PARD3B: variants seen among roughly 807,000 people sequenced by gnomAD.
PARD3B encodes partitioning defective 3 homolog B.
A neutral mutation model predicts 130.2 loss-of-function variants in PARD3B; 103 were observed. That is an observed-to-expected ratio of 0.79 (90% CI 0.67 to 0.93). PARD3B has a LOEUF of 0.93. Ranked by LOEUF, PARD3B falls within the 40% of genes least tolerant of loss-of-function variation. The pLI, the probability that PARD3B is intolerant of heterozygous loss-of-function variation, is 0.00. For synonymous variants in PARD3B, 583 were observed against 553.2 expected, an observed-to-expected ratio of 1.05 and a Z score of -0.76; for missense variants, 1,609 against 1,499.2, an observed-to-expected ratio of 1.07 and a Z score of -1.21.
At chr2:204,719,718 T>G (rs2038905611) in intron 2 of PARD3B, among the ~76,000 whole-genome samples, 1 of 152,190 alleles carries the variant, frequency 6.6e-6, no homozygotes, top group Non-Finnish European at 1.5e-5. Flanking sequence ...TTTAATTGTC[T>G]TTTTTTATAA....
chr2:204,776,750 G>A lies in PARD3B; in HGVS notation c.222+90468G>A, dbSNP rs114354599. Among the ~76,000 whole-genome samples, 1,049 of 151,980 alleles carry A rather than the reference G, an allele frequency of 6.9e-3. 14 individuals are homozygous for A. Among genetic ancestry groups the A allele is most frequent in the African/African-American group, 0.023 (937 of 41,460 alleles). Reference sequence around the variant, plus strand: ...AATTTAAGTTGAACCAGAGGAATTCGGATATTTGGGGGTTTGCCTTCAAGA... The same window carrying A: ...AATTTAAGTTGAACCAGAGGAATTCAGATATTTGGGGGTTTGCCTTCAAGA... On this transcript the variant is annotated intron_variant, in intron 2 of 22. Transcript: ENST00000406610.
intron 1 of PARD3B, among the ~76,000 whole-genome samples, chr2:204,577,866 C>A (rs576189748): frequency 6.6e-4 from 100 of 152,310 alleles, no homozygotes; most frequent in Non-Finnish European, 1.1e-3. Context: ...CTGTGCCCAG[C>A]CAGTTTTCTC....
At chr2:205,356,720 G>A (rs2044205615) in intron 18 of PARD3B, among the ~76,000 whole-genome samples, 5 of 151,842 alleles carry the variant, frequency 3.3e-5, no homozygotes, top group African/African-American at 7.3e-5. Context: ...GTGAAACCCC[G>A]TCTCTACTAA....
At chr2:204,676,602 C>T (rs1559050507) in intron 1 of PARD3B, among the ~76,000 whole-genome samples, 1 of 151,148 alleles carries the variant, frequency 6.6e-6, no homozygotes, top group Non-Finnish European at 1.5e-5. Context: ...CTAGCCTTTG[C>T]TTCACTCTTG....
At chr2:204,820,756 C>T (rs2043320782) in intron 2 of PARD3B, among the ~76,000 whole-genome samples, 1 of 152,020 alleles carries the variant, frequency 6.6e-6, no homozygotes, top group Non-Finnish European at 1.5e-5. Context: ...GCAGGGGTTT[C>T]ACTGAGCCAA....
intron 2 of PARD3B, among the ~76,000 whole-genome samples, chr2:204,922,347 T>A (rs969337442): frequency 6.6e-6 from 1 of 151,972 alleles, no homozygotes; most frequent in Non-Finnish European, 1.5e-5. Flanking sequence ...AATAAGCAAT[T>A]GTACAGAAAA....
At chr2:205,178,071 C>T (rs1309999906) in intron 13 of PARD3B, among the ~76,000 whole-genome samples, 3 of 136,118 alleles carry the variant, frequency 2.2e-5, no homozygotes, top group African/African-American at 8.3e-5. Context: ...TTTGGGAGGC[C>T]GAGGCAGGCA....
intron 18 of PARD3B, among the ~76,000 whole-genome samples, chr2:205,334,549 G>A (rs2043243069): frequency 6.6e-6 from 1 of 152,292 alleles, no homozygotes; most frequent in Admixed American, 6.5e-5. Context: ...ATTTGTATGT[G>A]TTTGTTGTCA....
At position 205,618,961 on chromosome 2, in the gene PARD3B, G is replaced by A. The variant is rs2055517164; in HGVS notation, c.*3148G>A. 1 of 152,138 alleles carries A rather than the reference G, an allele frequency of 6.6e-6. No individual in the cohort carries two copies. Among genetic ancestry groups the A allele is most frequent in the African/African-American group, 2.4e-5 (1 of 41,430 alleles). 9.4% of individuals were successfully genotyped at this position (152,138 alleles called of 1,614,324 possible). On this transcript the variant is annotated 3_prime_UTR_variant, in exon 23 of 23. Coordinates refer to ENST00000406610, the MANE Select transcript of PARD3B (RefSeq NM_001302769.2). ...ATTATTCTGAAGCTCATTATTCTTA[G>A]ATCTGTAGATATATATGTGTTGACT...
At chr2:205,610,510 T>G (rs1247176994) in intron 22 of PARD3B, among the ~76,000 whole-genome samples, 1 of 152,200 alleles carries the variant, frequency 6.6e-6, no homozygotes, top group Non-Finnish European at 1.5e-5. Context: ...CAGTTTCCAG[T>G]TAATCTTGAG....
intron 2 of PARD3B, among the ~76,000 whole-genome samples, chr2:204,732,107 G>C (rs145534292): frequency 5.1e-4 from 77 of 150,164 alleles, no homozygotes; most frequent in African/African-American, 1.9e-3. Context: ...GTATAAAAAA[G>C]TGAAAGTGTG....
intron 2 of PARD3B, among the ~76,000 whole-genome samples, chr2:204,688,448 C>T (rs898441945): frequency 6.6e-6 from 1 of 151,754 alleles, no homozygotes; most frequent in African/African-American, 2.4e-5. Context: ...GGAGTGGTGG[C>T]ATGCACCTGT....
chr2:205,203,464 T>G (rs1414663735), intron 15 of PARD3B, among the ~76,000 whole-genome samples: 5 of 151,164 alleles, frequency 3.3e-5, no homozygotes, highest in Non-Finnish European at 7.4e-5. Flanking sequence ...TTACTTTTTA[T>G]TTTTTTACTA....
chr2:205,522,671 CTAG>C (rs1390127856), intron 21 of PARD3B, among the ~76,000 whole-genome samples: 1 of 151,952 alleles, frequency 6.6e-6, no homozygotes, highest in Non-Finnish European at 1.5e-5. Context: ...TACTGGCACA[CTAG>C]TAGATGATAA....
At chr2:204,839,981 A>G (rs769330128) in intron 2 of PARD3B, among the ~76,000 whole-genome samples, 1 of 152,114 alleles carries the variant, frequency 6.6e-6, no homozygotes, top group Non-Finnish European at 1.5e-5. Flanking sequence ...TAAAAGTGGT[A>G]TTCCCTCCCT....
In PARD3B at chr2:205,217,868, G is replaced by GTA. The variant is rs1233399793; in HGVS notation, c.2140+24574_2140+24575dup. ...TATGTGTGTGTGTGTGTGTGTGTGT[G>GTA]TATATATATATATATATATATATAT... On this transcript the variant is annotated intron_variant, in intron 15 of 22. Coordinates refer to ENST00000406610, the MANE Select transcript of PARD3B (RefSeq NM_001302769.2). Among the ~76,000 whole-genome samples, 349 of 47,072 alleles carry GTA rather than the reference G, an allele frequency of 7.4e-3. 1 individual carries two copies. Among genetic ancestry groups the GTA allele is most frequent in the Non-Finnish European group, 0.01 (272 of 27,080 alleles). 30.9% of individuals were successfully genotyped at this position (47,072 alleles called of 152,430 possible). A position where few individuals can be genotyped will look rare whatever the true frequency, so the allele number is the denominator to read the frequency against.
At chr2:204,570,245 G>A (rs1048725394) in intron 1 of PARD3B, among the ~76,000 whole-genome samples, 4 of 152,148 alleles carry the variant, frequency 2.6e-5, no homozygotes, top group African/African-American at 9.7e-5. Context: ...TCCAGTGAGT[G>A]TCTGGTTCAT....
At chr2:205,582,179 C>T (rs950810097) in intron 22 of PARD3B, among the ~76,000 whole-genome samples, 7 of 152,174 alleles carry the variant, frequency 4.6e-5, no homozygotes, top group African/African-American at 1.7e-4. Flanking sequence ...AAGTGAAGTA[C>T]CGTCCATGTG....
intron 5 of PARD3B, among the ~76,000 whole-genome samples, chr2:205,106,709 G>A (rs753348596): frequency 3.9e-5 from 6 of 152,018 alleles, no homozygotes; most frequent in African/African-American, 7.3e-5. Context: ...TGATGCCTTG[G>A]TGTTTTATTT....
Sources: gnomAD v4.1 joint callset for allele counts (sites outside exome capture counted in the v4.1 genomes callset) on GRCh38, gnomAD v4.1.1 for gene constraint, MANE v1.5 for transcripts, NCBI Gene and HGNC (gene_info 2026-07-23, HGNC 2026-07-21) for gene names.